Variants in PDE3B observed in about 807,000 individuals in gnomAD.
The protein encoded by PDE3B is cGMP-inhibited 3',5'-cyclic phosphodiesterase 3B.
In PDE3B, 66 loss-of-function variants were observed where a neutral mutation model predicts 116.8. That is an observed-to-expected ratio of 0.56 (90% CI 0.46 to 0.69). The LOEUF is 0.69. Ranked by LOEUF, PDE3B falls within the 30% of genes least tolerant of loss-of-function variation. PDE3B has a pLI of 0.00. For synonymous variants in PDE3B, 595 were observed against 533.6 expected, an observed-to-expected ratio of 1.12 and a Z score of -1.59; for missense variants, 1,384 against 1,368.1, an observed-to-expected ratio of 1.01 and a Z score of -0.18.
At chr11:14,718,490 A>T (rs980824304) in intron 1 of PDE3B, among the ~76,000 whole-genome samples, 2 of 148,646 alleles carry the variant, frequency 1.3e-5, no homozygotes, top group Non-Finnish European at 3.0e-5. Context: ...ACCACACCAC[A>T]CCTATTCCAA....
intron 14 of PDE3B, among the ~76,000 whole-genome samples, chr11:14,865,604 T>A (rs1030661639): frequency 1.3e-5 from 2 of 152,214 alleles, no homozygotes; most frequent in Non-Finnish European, 2.9e-5. Flanking sequence ...CCGTACTGTA[T>A]AATCATGGAA....
intron 1 of PDE3B, among the ~76,000 whole-genome samples, chr11:14,733,356 C>G (rs1856513653): frequency 6.6e-6 from 1 of 152,152 alleles, no homozygotes; most frequent in South Asian, 2.1e-4. Flanking sequence ...TTCTCTGTCT[C>G]CTGTCTTTTC....
At chr11:14,892,344 A>G in the PDE3B span, 11 of 803,958 alleles carry the variant, frequency 1.4e-5, no homozygotes, top group Non-Finnish European at 2.2e-5. Context: ...GTGAGCGCTC[A>G]GGCCCCTTCG....
At chr11:14,893,654 G>A in the PDE3B span, among the ~76,000 whole-genome samples, 2 of 152,096 alleles carry the variant, frequency 1.3e-5, no homozygotes, top group Non-Finnish European at 2.9e-5. Context: ...GGCCATTAAT[G>A]TCAGTTTGAA....
intron 8 of PDE3B, 103 bp from the exon 9 acceptor site, chr11:14,831,537 A>G (rs943833338): frequency 3.3e-6 from 2 of 598,900 alleles, no homozygotes; most frequent in East Asian, 3.5e-5. Flanking sequence ...AGAAAATAGT[A>G]CTGACTTTTT....
At chr11:14,862,126 GC>G (rs1847961984) in intron 14 of PDE3B, among the ~76,000 whole-genome samples, 1 of 152,168 alleles carries the variant, frequency 6.6e-6, no homozygotes. Context: ...CCAGGAAGCT[GC>G]TGATCACCAG....
At chr11:14,703,242 C>T (rs1048937646) in intron 1 of PDE3B, among the ~76,000 whole-genome samples, 3 of 151,756 alleles carry the variant, frequency 2.0e-5, no homozygotes, top group Non-Finnish European at 4.4e-5. Flanking sequence ...TATTCTTGTC[C>T]TTTACCACAG....
chr11:14,688,813 C>T (rs1009210343), intron 1 of PDE3B, among the ~76,000 whole-genome samples: 1 of 152,074 alleles, frequency 6.6e-6, no homozygotes, highest in African/African-American at 2.4e-5. Context: ...TTCTCTGTCA[C>T]CTAGGCTGCA....
chr11:14,657,383 C>T (rs1853743990), intron 1 of PDE3B, among the ~76,000 whole-genome samples: 1 of 152,164 alleles, frequency 6.6e-6, no homozygotes, highest in African/African-American at 2.4e-5. Context: ...GTATTAGTCA[C>T]TTTACTTTAC....
At chr11:14,783,197 A>G (rs1417068725) in intron 2 of PDE3B, among the ~76,000 whole-genome samples, 6 of 152,214 alleles carry the variant, frequency 3.9e-5, no homozygotes, top group Admixed American at 2.6e-4. Context: ...GGAAGACAGT[A>G]TGGTGATTGC....
rs68083046 is a variant in PDE3B at position 14,713,695 on chromosome 11, T to TACACACACACAC, written c.979-58221_979-58210dup. On this transcript the variant is annotated intron_variant, in intron 1 of 15. Transcript: ENST00000282096. ...CTACTTCCTTATAATAAAAAATCTT[T>TACACACACACAC]ACACACACACACACACACACACACA... Among the ~76,000 whole-genome samples, 170 of 149,888 alleles carry TACACACACACAC rather than the reference T, an allele frequency of 1.1e-3. 1 individual carries two copies. Among genetic ancestry groups the TACACACACACAC allele is most frequent in the African/African-American group, 4.1e-3 (168 of 40,778 alleles).
Position 14,644,382 on chromosome 11 carries a change from G to A in PDE3B, c.307G>A (p.Ala103Thr). Reference protein sequence around the residue: ...LLGAEPESWAAGAAWLRTLLS... With the variant: ...LLGAEPESWATGAAWLRTLLS... ...GGGCGCGGAACCCGAGAGCTGGGCT[G>A]CCGGGGCCGCCTGGCTGCGGACGCT... The change falls in exon 1 of 16, where the codon GCC (alanine) becomes ACC (threonine). Residue 103 changes from alanine to threonine, a missense_variant. Coordinates refer to ENST00000282096, the MANE Select transcript of PDE3B (RefSeq NM_000922.4). 1 of 1,601,414 alleles carries A rather than the reference G, an allele frequency of 6.2e-7. No individual in the cohort carries two copies. Among genetic ancestry groups the A allele is most frequent in the Admixed American group, 1.7e-5 (1 of 58,820 alleles).
intron 1 of PDE3B, among the ~76,000 whole-genome samples, chr11:14,678,159 CA>C (rs1274608405): frequency 6.6e-6 from 1 of 152,128 alleles, no homozygotes; most frequent in Non-Finnish European, 1.5e-5. Flanking sequence ...GAACTGGCCT[CA>C]AGTTATTCAC....
intron 1 of PDE3B, among the ~76,000 whole-genome samples, chr11:14,733,687 G>A (rs563334044): frequency 1.3e-5 from 2 of 151,902 alleles, no homozygotes; most frequent in East Asian, 1.9e-4. Flanking sequence ...GGAAATGGTG[G>A]GTCTGAAAAG....
intron 1 of PDE3B, among the ~76,000 whole-genome samples, chr11:14,756,555 C>T (rs938726020): frequency 5.3e-5 from 8 of 152,200 alleles, no homozygotes; most frequent in Admixed American, 5.2e-4. Context: ...TGGTGCCTCC[C>T]GTAGTCCTAA....
At chr11:14,715,192 G>A (rs1268582099) in intron 1 of PDE3B, among the ~76,000 whole-genome samples, 9 of 152,294 alleles carry the variant, frequency 5.9e-5, no homozygotes, top group South Asian at 2.1e-4. Context: ...ATCAGGTAGC[G>A]TGATGCCTCC....
chr11:14,749,919 T>TATATATA (rs1391477381), intron 1 of PDE3B, among the ~76,000 whole-genome samples: 3 of 138,732 alleles, frequency 2.2e-5, no homozygotes, highest in African/African-American at 5.4e-5. Context: ...TATATGTATC[T>TATATATA]TTGTGGAAGC....
chr11:14,867,796 T>C (rs368600163), intron 15 of PDE3B, 38 bp downstream of exon 15: 1 of 1,531,092 alleles, frequency 6.5e-7, no homozygotes, highest in Admixed American at 1.9e-5. Context: ...TTTAATGTTA[T>C]AGGTTGAGTA....
At chr11:14,729,238 G>T (rs1368798334) in intron 1 of PDE3B, among the ~76,000 whole-genome samples, 1 of 152,214 alleles carries the variant, frequency 6.6e-6, no homozygotes. Context: ...GCATAGCTCA[G>T]TTGTTTTAGG....
Sources: allele counts gnomAD v4.1 joint callset (sites outside exome capture counted in the v4.1 genomes callset), GRCh38; gene constraint gnomAD v4.1.1; transcripts MANE v1.5; gene names NCBI Gene and HGNC (gene_info 2026-07-23, HGNC 2026-07-21).